Variants in SGCD observed in about 807,000 individuals in gnomAD.
SGCD encodes the protein delta-sarcoglycan.
SGCD carries 18 observed loss-of-function variants against 36.6 expected under a neutral mutation model. The ratio of observed to expected loss-of-function variants is 0.49; its 90% CI spans 0.34 to 0.73. SGCD has a LOEUF of 0.73. Ranked by LOEUF, SGCD falls within the 30% of genes least tolerant of loss-of-function variation. The pLI, the probability that SGCD is intolerant of heterozygous loss-of-function variation, is 0.01. For missense variants in SGCD, 387 were observed against 346.7 expected, an observed-to-expected ratio of 1.12 and a Z score of -0.92; for synonymous variants, 133 against 130.6, an observed-to-expected ratio of 1.02 and a Z score of -0.12.
At chr5:155,932,457 T>C (rs1757117227) in intron 1 of SGCD, among the ~76,000 whole-genome samples, 1 of 152,180 alleles carries the variant, frequency 6.6e-6, no homozygotes, top group Non-Finnish European at 1.5e-5. Context: ...GAGGTAATCA[T>C]GAGAAATATA....
the SGCD span, among the ~76,000 whole-genome samples, chr5:155,738,190 C>T: frequency 6.6e-6 from 1 of 152,124 alleles, no homozygotes; most frequent in South Asian, 2.1e-4. Context: ...TCTGGAAACT[C>T]GGATGACTAC....
At chr5:156,364,372 T>G (rs532766184) in intron 3 of SGCD, among the ~76,000 whole-genome samples, 1 of 151,796 alleles carries the variant, frequency 6.6e-6, no homozygotes, top group African/African-American at 2.4e-5. Flanking sequence ...GGGCTACATT[T>G]TTTTTTTTAA....
intron 1 of SGCD, among the ~76,000 whole-genome samples, chr5:155,996,307 G>C (rs1758543237): frequency 6.6e-6 from 1 of 152,006 alleles, no homozygotes. Flanking sequence ...AGGCCCCAGT[G>C]TCTGCTGTTC....
rs1197281839 is a variant in SGCD, at chr5:156,355,303, A to AG, written c.192+10628dup. On this transcript the variant is annotated intron_variant, in intron 3 of 8. Coordinates refer to ENST00000337851, the MANE Select transcript of SGCD (RefSeq NM_000337.6). ...AGACCCAGAGCTGTGGGATTAAGGTAGGAAAACAAACCAAAACCATTTTAA... is the reference window on the plus strand; with the variant it reads ...AGACCCAGAGCTGTGGGATTAAGGTAGGGAAAACAAACCAAAACCATTTTAA... Among the ~76,000 whole-genome samples, 7 of 152,366 alleles carry AG rather than the reference A, an allele frequency of 4.6e-5. No homozygotes were observed. The East Asian group carries it at 1.3e-3, about 29-fold the overall frequency.
chr5:156,334,894 A>G (rs1385569155), intron 2 of SGCD, among the ~76,000 whole-genome samples: 1 of 152,096 alleles, frequency 6.6e-6, no homozygotes, highest in Non-Finnish European at 1.5e-5. Context: ...CGTCTATGAT[A>G]ATTCTAAATA....
At chr5:155,871,758 G>A (rs1330295232) in intron 1 of SGCD, among the ~76,000 whole-genome samples, 2 of 152,206 alleles carry the variant, frequency 1.3e-5, no homozygotes, top group Non-Finnish European at 2.9e-5. Context: ...AAGTGAACAC[G>A]TTTAAGGAAT....
At chr5:156,052,553 A>C (rs1414801050) in intron 1 of SGCD, among the ~76,000 whole-genome samples, 1 of 146,306 alleles carries the variant, frequency 6.8e-6, no homozygotes, top group Non-Finnish European at 1.5e-5. Flanking sequence ...GGTGAGATAT[A>C]TAGAAATGAA....
Position 156,229,286 on chromosome 5 carries a change from A to ATATATATATATATATATGTGTGTG in SGCD, c.-43-100234_-43-100233insTATGTGTGTGTATATATATATATA, listed in dbSNP as rs1229174444. On this transcript the variant is annotated intron_variant, in intron 3 of 9. Coordinates refer to the SGCD transcript ENST00000517913. ...CATATATATATACATACATATATATATATATATATATATAAAATTAGTTCT... is the reference window on the plus strand; with the variant it reads ...CATATATATATACATACATATATATATATATATATATATATATGTGTGTGTATATATATATATAAAATTAGTTCT... Among the ~76,000 whole-genome samples the ATATATATATATATATATGTGTGTG allele has an allele frequency of 1.3e-4, 14 of 110,450 alleles. 2 individuals carry two copies. The highest frequency in any genetic ancestry group is 5.7e-4 in the African/African-American group (14 of 24,564). The allele number at this position is 110,450 out of a possible 152,430, so 72.5% of individuals were successfully genotyped here.
intron 3 of SGCD, among the ~76,000 whole-genome samples, chr5:156,394,475 T>C (rs1165929578): frequency 1.3e-5 from 2 of 152,156 alleles, no homozygotes; most frequent in East Asian, 1.9e-4. Flanking sequence ...TACTAAACAG[T>C]TGATAGTGAC....
chr5:155,795,673 A>G, the SGCD span, among the ~76,000 whole-genome samples: 3 of 152,158 alleles, frequency 2.0e-5, no homozygotes, highest in Non-Finnish European at 4.4e-5. Context: ...TAGAAAATGT[A>G]TCATTTCCAA....
intron 1 of SGCD, among the ~76,000 whole-genome samples, chr5:155,943,584 T>C (rs1757377458): frequency 6.6e-6 from 1 of 152,144 alleles, no homozygotes; most frequent in Admixed American, 6.5e-5. Context: ...ACCAATAAAC[T>C]CCAGAACTAT....
At chr5:156,338,229 A>T (rs531603244) in intron 2 of SGCD, among the ~76,000 whole-genome samples, 1 of 152,318 alleles carries the variant, frequency 6.6e-6, no homozygotes, top group Admixed American at 6.5e-5. Flanking sequence ...GCAAATTGGT[A>T]ATGTAGATAC....
At chr5:156,526,197 G>A (rs1486716519) in intron 4 of SGCD, among the ~76,000 whole-genome samples, 2 of 152,058 alleles carry the variant, frequency 1.3e-5, no homozygotes, top group African/African-American at 4.8e-5. Context: ...AACTTAAGCT[G>A]GGGAAGGAGG....
At chr5:156,271,529 A>G (rs1177211209) in intron 3 of SGCD, among the ~76,000 whole-genome samples, 2 of 152,176 alleles carry the variant, frequency 1.3e-5, no homozygotes, top group African/African-American at 2.4e-5. Context: ...TTTCACTTGT[A>G]TAAAACATAG....
intron 3 of SGCD, among the ~76,000 whole-genome samples, chr5:156,241,800 G>A (rs1416976419): frequency 6.6e-6 from 1 of 152,148 alleles, no homozygotes; most frequent in Non-Finnish European, 1.5e-5. Flanking sequence ...CACTCACCAA[G>A]CAGCCCTTGC....
At chr5:156,727,644 T>C (rs1755843388) in intron 7 of SGCD, among the ~76,000 whole-genome samples, 1 of 151,888 alleles carries the variant, frequency 6.6e-6, no homozygotes, top group Non-Finnish European at 1.5e-5. Flanking sequence ...CTGGAAATAA[T>C]ACAAAACTGT....
At chr5:155,793,541 T>A in the SGCD span, among the ~76,000 whole-genome samples, 1 of 151,938 alleles carries the variant, frequency 6.6e-6, no homozygotes, top group Non-Finnish European at 1.5e-5. Flanking sequence ...TGTCAGTTTT[T>A]TTTTCTTTTT....
intron 4 of SGCD, among the ~76,000 whole-genome samples, chr5:156,568,381 A>G (rs1759581640): frequency 6.6e-6 from 1 of 151,948 alleles, no homozygotes; most frequent in African/African-American, 2.4e-5. Context: ...ACTCCATCTC[A>G]AATAAATAAA....
chr5:156,724,866 T>C (rs908112126), intron 7 of SGCD, among the ~76,000 whole-genome samples: 4 of 152,246 alleles, frequency 2.6e-5, no homozygotes, highest in African/African-American at 9.6e-5. Flanking sequence ...TCTCCTCTTA[T>C]ATATCCTCCA....
Sources: gnomAD v4.1 joint callset for allele counts (sites outside exome capture counted in the v4.1 genomes callset) on GRCh38, gnomAD v4.1.1 for gene constraint, MANE v1.5 for transcripts, NCBI Gene and HGNC (gene_info 2026-07-23, HGNC 2026-07-21) for gene names.